Variants in ZSCAN10 observed in about 807,000 individuals in gnomAD.
The protein encoded by ZSCAN10 is zinc finger and SCAN domain containing 10.
ZSCAN10 carries 52 observed loss-of-function variants against 63.7 expected under a neutral mutation model. The observed-to-expected ratio is 0.82, with a 90% CI of 0.65 to 1.03. ZSCAN10 has a LOEUF of 1.03. Among genes scored for constraint, ZSCAN10 ranks in the 50% least tolerant of loss-of-function variants. The probability of loss-of-function intolerance (pLI) is 0.00; values close to 1 mark genes in which losing one functional copy is unlikely to be tolerated. For missense variants in ZSCAN10, 1,223 were observed against 1,103.8 expected (o/e 1.11, Z -1.53); for synonymous variants, 544 against 479.6 (o/e 1.13, Z -1.76).
intron 1 of ZSCAN10, 148 bp from the exon 2 acceptor site, chr16:3,093,152 C>T (rs147231871): frequency 1.4e-4 from 70 of 490,868 alleles, no homozygotes; most frequent in South Asian, 1.9e-4. Context: ...GGACAGCCCC[C>T]GGTCTCAGGG....
At chr16:3,095,863 G>C (rs1463781356) in intron 1 of ZSCAN10, among the ~76,000 whole-genome samples, 3 of 151,484 alleles carry the variant, frequency 2.0e-5, no homozygotes, top group Admixed American at 6.6e-5. Flanking sequence ...AGTCATGGTT[G>C]TGTATACCTG....
chr16:3,094,820 A>G (rs748011027), intron 1 of ZSCAN10, among the ~76,000 whole-genome samples: 13 of 151,844 alleles, frequency 8.6e-5, no homozygotes, highest in Non-Finnish European at 1.9e-4. Flanking sequence ...AAGTGGGTGA[A>G]CCTAGATTGG....
In ZSCAN10 at chr16:3,091,547, G is replaced by T. The variant is rs1178427356; in HGVS notation, c.780C>A (p.His260Gln). 1 of 1,614,180 alleles carries T rather than the reference G, an allele frequency of 6.2e-7. No individual in the cohort carries two copies. Among genetic ancestry groups the T allele is most frequent in the Non-Finnish European group, 8.5e-7 (1 of 1,180,024 alleles). Residue 260 changes from histidine (H) to glutamine (Q), a missense_variant, in exon 5 of 6, where the codon CAC (histidine) becomes CAA (glutamine). Coordinates refer to ENST00000576985, the MANE Select transcript of ZSCAN10 (RefSeq NM_032805.3). Reference sequence around the variant, plus strand: ...CAGGGAAGGGTTGCTTACCCAGGGGGTGTGCAGGCCACGCCTTATTCTCTG... The same window carrying T: ...CAGGGAAGGGTTGCTTACCCAGGGGTTGTGCAGGCCACGCCTTATTCTCTG... ...DVPENKAWPAHPLGFGSRTPD... is the reference protein window; with the variant it reads ...DVPENKAWPAQPLGFGSRTPD...
chr16:3,092,527 G>A lies in ZSCAN10; in HGVS notation c.396+15C>T. ...TCATCCGCATGCTGCTCAGCCCGCTGCCCCACCCTCTCACCAGCGGCCCCG... is the reference window on the plus strand; with the variant it reads ...TCATCCGCATGCTGCTCAGCCCGCTACCCCACCCTCTCACCAGCGGCCCCG... On this transcript the variant is annotated intron_variant, in intron 2 of 5. Coordinates refer to ENST00000576985, the MANE Select transcript of ZSCAN10 (RefSeq NM_032805.3). The A allele has an allele frequency of 6.7e-7, 1 of 1,496,450 alleles. No individual in the cohort carries two copies. The highest frequency in any genetic ancestry group is 1.3e-5 in the South Asian group (1 of 76,924). 92.7% of individuals were successfully genotyped at this position (1,496,450 alleles called of 1,614,324 possible). A position where few individuals can be genotyped will look rare whatever the true frequency, so the allele number is the denominator to read the frequency against.
At position 3,089,455 on chromosome 16, in the gene ZSCAN10, T is replaced by C. The variant is rs1957033438; in HGVS notation, c.1979A>G (p.Lys660Arg). 1 of 1,604,176 alleles carries C rather than the reference T, an allele frequency of 6.2e-7. No individual in the cohort carries two copies. ...ARHQRIHTGE[K>R]PHACDTCGHR... is the part of the protein sequence containing the mutation. ...GCCGCAGGTGTCGCAGGCGTGGGGC[T>C]TCTCCCCTGTGTGGATGCGCTGGTG... The change falls in exon 6 of 6, where the codon AAG (lysine) becomes AGG (arginine). Residue 660 changes from lysine (K) to arginine (R), a missense_variant. Lys to Arg is a conservative substitution (Grantham distance 26). Transcript: ENST00000576985.
At chr16:3,091,876 C>T in intron 3 of ZSCAN10, 48 bp from the exon 4 acceptor site, 1 of 1,584,292 alleles carries the variant, frequency 6.3e-7, no homozygotes, top group Non-Finnish European at 8.6e-7. Flanking sequence ...GAAGGCAGCC[C>T]TGCCTGCCAT....
chr16:3,091,196 CAGCT>C (rs1430173865), intron 5 of ZSCAN10, among the ~76,000 whole-genome samples: 1 of 152,216 alleles, frequency 6.6e-6, no homozygotes, highest in Non-Finnish European at 1.5e-5. Context: ...CCTATAGTCC[CAGCT>C]ACTCGGGAGG....
At chr16:3,090,890 C>CAAAA (rs398058044) in intron 5 of ZSCAN10, among the ~76,000 whole-genome samples, 3 of 63,742 alleles carry the variant, frequency 4.7e-5, no homozygotes, top group Admixed American at 1.6e-4. Flanking sequence ...CCCGTCTCTA[C>CAAAA]AAAAAAAAAA....
chr16:3,098,059 A>AAAAAG (rs1957176766), intron 1 of ZSCAN10, among the ~76,000 whole-genome samples: 1 of 150,138 alleles, frequency 6.7e-6, no homozygotes. Flanking sequence ...AAAAAAAAAA[A>AAAAAG]AAAGAAAGAA....
In ZSCAN10 at chr16:3,089,949, C is replaced by T. The variant is rs1304101467; in HGVS notation, c.1485G>A (p.Leu495=). Residue 495 remains leucine, a synonymous_variant, in exon 6 of 6, where the codon CTG becomes CTA. Transcript: ENST00000576985. The part of the protein sequence containing the change: ...FQRRSSLKRH[L]RIHARDKDRR... ...GGTCCTTGTCCCTGGCGTGGATCCGCAGGTGGCGCTTGAGGCTGGAGCGGC... is the reference window on the plus strand; with the variant it reads ...GGTCCTTGTCCCTGGCGTGGATCCGTAGGTGGCGCTTGAGGCTGGAGCGGC... 6.5e-7 allele frequency: 1 copy of T among 1,541,602 alleles called. No homozygotes were observed. The highest frequency in any genetic ancestry group is 8.7e-7 in the Non-Finnish European group (1 of 1,146,720).
At chr16:3,097,275 G>A (rs1957165295) in intron 1 of ZSCAN10, among the ~76,000 whole-genome samples, 1 of 151,990 alleles carries the variant, frequency 6.6e-6, no homozygotes, top group Non-Finnish European at 1.5e-5. Flanking sequence ...CCGCTGAGAA[G>A]GAGGGGAGGT....
Position 3,090,527 on chromosome 16 carries a change from G to T in ZSCAN10, c.907C>A (p.Pro303Thr), listed in dbSNP as rs1428779233. Residue 303 changes from proline (P) to threonine (T), a missense_variant, in exon 6 of 6, where the codon CCT becomes ACT. Physicochemically the swap from Pro to Thr is conservative, Grantham distance 38 (BLOSUM62 -1). Coordinates refer to ENST00000576985, the MANE Select transcript of ZSCAN10 (RefSeq NM_032805.3). ...QADSPGVPGEPCAQSLGRGAA... is the reference protein window; with the variant it reads ...QADSPGVPGETCAQSLGRGAA... Reference sequence around the variant, plus strand: ...CCCCGTCCGAGCGACTGGGCGCAAGGCTCTCCCGGCACCCCAGGACTATCT... The same window carrying T: ...CCCCGTCCGAGCGACTGGGCGCAAGTCTCTCCCGGCACCCCAGGACTATCT... 1 of 1,612,650 alleles carries T rather than the reference G, an allele frequency of 6.2e-7. No individual in the cohort carries two copies. Among genetic ancestry groups the T allele is most frequent in the African/African-American group, 1.3e-5 (1 of 74,922 alleles).
In ZSCAN10 at chr16:3,092,316, C is replaced by G; in HGVS notation, c.397G>C (p.Asp133His). 6.3e-7 allele frequency: 1 copy of G among 1,598,976 alleles called. No homozygotes were observed. The highest frequency in any genetic ancestry group is 8.5e-7 in the Non-Finnish European group (1 of 1,172,454). The change falls in exon 3 of 6, where the codon GAT becomes CAT. Residue 133 changes from aspartate to histidine, a missense_variant and splice_region_variant. Coordinates refer to ENST00000576985, the MANE Select transcript of ZSCAN10 (RefSeq NM_032805.3). ...HREPSHAGPLDFSCNAGKSCP... is the reference protein window; with the variant it reads ...HREPSHAGPLHFSCNAGKSCP... The stretch of plus-strand genomic sequence containing the variant: ...CTCTTGCCAGCATTACAACTAAAAT[C>G]CTGTTCAAAACACATTCAAGTTAAG...
rs1484150582 is a variant in ZSCAN10 at position 3,092,529 on chromosome 16, C to G, written c.396+13G>C. 6.7e-7 allele frequency: 1 copy of G among 1,499,066 alleles called. No homozygotes were observed. The highest frequency in any genetic ancestry group is 2.4e-5 in the East Asian group (1 of 41,280). 92.9% of individuals were successfully genotyped at this position (1,499,066 alleles called of 1,614,324 possible). ...ATCCGCATGCTGCTCAGCCCGCTGC[C>G]CCACCCTCTCACCAGCGGCCCCGCG... On this transcript the variant is annotated intron_variant, in intron 2 of 5. Transcript: ENST00000576985.
Position 3,089,711 on chromosome 16 carries a change from C to T in ZSCAN10, c.1723G>A (p.Glu575Lys). ...CACTGCGGACAGGCGTAGGGCTTCT[C>T]GCCCGTGTGCACCCGTTGGTGGCTG... is the stretch of plus-strand genomic sequence containing the variant. ...LVSHQRVHTG[E>K]KPYACPQCGK... The change falls in exon 6 of 6, where the codon GAG becomes AAG. Residue 575 changes from glutamate to lysine, a missense_variant. By Grantham distance (56) the Glu-to-Lys change is moderately conservative (BLOSUM62 1). Coordinates refer to ENST00000576985, the MANE Select transcript of ZSCAN10 (RefSeq NM_032805.3). 6.2e-7 allele frequency: 1 copy of T among 1,604,678 alleles called. No homozygotes were observed. The highest frequency in any genetic ancestry group is 8.5e-7 in the Non-Finnish European group (1 of 1,178,750).
At chr16:3,091,927 A>C in intron 3 of ZSCAN10, 99 bp from the exon 4 acceptor site, 4 of 1,597,288 alleles carry the variant, frequency 2.5e-6, no homozygotes, top group Non-Finnish European at 3.4e-6. Flanking sequence ...GGGCCCTGTG[A>C]AGACACCTTG....
chr16:3,091,994 T>C (rs1957084116), intron 3 of ZSCAN10, 55 bp downstream of exon 3: 5 of 1,554,274 alleles, frequency 3.2e-6, no homozygotes, highest in Non-Finnish European at 4.3e-6. Context: ...ACCCCAGACA[T>C]CCAGGCCCCT....
chr16:3,092,883 T>C lies in ZSCAN10; in HGVS notation c.55A>G (p.Lys19Glu). Residue 19 changes from lysine (K) to glutamate (E), a missense_variant, in exon 2 of 6, where the codon AAG becomes GAG. Coordinates refer to ENST00000576985, the MANE Select transcript of ZSCAN10 (RefSeq NM_032805.3). ...AVEQEQLGEVKLEEEEAVSPE... is the reference protein window; with the variant it reads ...AVEQEQLGEVELEEEEAVSPE... ...CTGACAGCCTCCTCCTCCTCCAGCT[T>C]GACTTCCCCCAGCTGCTCCTGCTCC... 1 of 1,443,784 alleles carries C rather than the reference T, an allele frequency of 6.9e-7. No individual in the cohort carries two copies. The highest frequency in any genetic ancestry group is 9.1e-7 in the Non-Finnish European group (1 of 1,096,300). The allele number at this position is 1,443,784 out of a possible 1,614,324, so 89.4% of individuals were successfully genotyped here.
chr16:3,094,661 A>G (rs1226401154), intron 1 of ZSCAN10, among the ~76,000 whole-genome samples: 1 of 152,018 alleles, frequency 6.6e-6, no homozygotes, highest in Non-Finnish European at 1.5e-5. Context: ...TGGCCTTTAG[A>G]TCCAACTTCC....
Sources: gnomAD v4.1 joint callset for allele counts (sites outside exome capture counted in the v4.1 genomes callset) on GRCh38, gnomAD v4.1.1 for gene constraint, MANE v1.5 for transcripts, NCBI Gene and HGNC (gene_info 2026-07-23, HGNC 2026-07-21) for gene names.